Variants in NUBPL observed in about 807,000 individuals in gnomAD.
NUBPL encodes the protein iron-sulfur cluster transfer protein NUBPL.
Under a neutral mutation model 45.7 loss-of-function variants are expected in NUBPL, and 31 were observed. That is an observed-to-expected ratio of 0.68 (90% CI 0.51 to 0.92). The LOEUF is 0.92. Among genes scored for constraint, NUBPL ranks in the 40% least tolerant of loss-of-function variants. The probability of loss-of-function intolerance (pLI) is 0.00; values close to 1 mark genes in which losing one functional copy is unlikely to be tolerated. For synonymous variants in NUBPL, 144 were observed against 140.9 expected (o/e 1.02, Z -0.15); for missense variants, 401 against 398.7 (o/e 1.01, Z -0.05).
chr14:31,859,147 A>C lies in NUBPL; in HGVS notation c.927A>C (p.Glu309Asp). Residue 309 changes from glutamate to aspartate, a missense_variant, in exon 11 of 11, where the codon GAA becomes GAC. Physicochemically the swap from Glu to Asp is conservative, Grantham distance 45. Coordinates refer to ENST00000281081, the MANE Select transcript of NUBPL (RefSeq NM_025152.3). ...EAKAYLRIAV[E>D]VVRRLPSPSE ...AAGCTTACTTGAGGATTGCTGTGGAAGTGGTAAGAAGATTGCCATCACCTT... is the reference window on the plus strand; with the variant it reads ...AAGCTTACTTGAGGATTGCTGTGGACGTGGTAAGAAGATTGCCATCACCTT... 1 of 1,613,968 alleles carries C rather than the reference A, an allele frequency of 6.2e-7. No individual in the cohort carries two copies. The highest frequency in any genetic ancestry group is 8.5e-7 in the Non-Finnish European group (1 of 1,179,906).
chr14:31,637,608 CT>C (rs2035544540), intron 4 of NUBPL, among the ~76,000 whole-genome samples: 1 of 152,152 alleles, frequency 6.6e-6, no homozygotes, highest in Non-Finnish European at 1.5e-5. Context: ...GTTAGGTCCA[CT>C]TGGTGCAGAG....
chr14:31,853,244 TG>T (rs1461225061), intron 10 of NUBPL, among the ~76,000 whole-genome samples: 1 of 152,096 alleles, frequency 6.6e-6, no homozygotes, highest in Admixed American at 6.5e-5. Flanking sequence ...TTGGTAGAGA[TG>T]GGGTTTCACC....
Position 31,655,711 on chromosome 14 carries a change from T to G in NUBPL, c.383-17644T>G, listed in dbSNP as rs577180290. On this transcript the variant is annotated intron_variant, in intron 4 of 10. Transcript: ENST00000281081. Reference sequence around the variant, plus strand: ...CTGGGTGACAAAAAGGTTTCAACAGTGGGCTTAAAATATTAGTAAGCCATG... The same window carrying G: ...CTGGGTGACAAAAAGGTTTCAACAGGGGGCTTAAAATATTAGTAAGCCATG... Among the ~76,000 whole-genome samples the G allele has an allele frequency of 8.2e-4, 125 of 152,302 alleles. 1 individual carries two copies. Among genetic ancestry groups the G allele is most frequent in the Admixed American group, 1.4e-3 (21 of 15,296 alleles).
At chr14:31,804,672 A>G (rs2039651150) in intron 7 of NUBPL, among the ~76,000 whole-genome samples, 1 of 152,210 alleles carries the variant, frequency 6.6e-6, no homozygotes, top group Non-Finnish European at 1.5e-5. Flanking sequence ...CTGACAAAAA[A>G]CAAGCAATGG....
At chr14:31,830,626 C>T (rs1296089402) in intron 8 of NUBPL, among the ~76,000 whole-genome samples, 1 of 152,228 alleles carries the variant, frequency 6.6e-6, no homozygotes, top group Non-Finnish European at 1.5e-5. Context: ...TCTACTTACA[C>T]ATATATTTAG....
chr14:31,607,052 T>C (rs2034619640), intron 4 of NUBPL, among the ~76,000 whole-genome samples: 1 of 152,156 alleles, frequency 6.6e-6, no homozygotes, highest in African/African-American at 2.4e-5. Context: ...ATTGGGAAAC[T>C]TGGCTATTAA....
chr14:31,664,845 G>A (rs191970792), intron 4 of NUBPL, among the ~76,000 whole-genome samples: 307 of 152,222 alleles, frequency 2.0e-3, no homozygotes, highest in Middle Eastern at 0.017. Context: ...GGTAGAGTTC[G>A]TCTGTGAATC....
intron 1 of NUBPL, 129 bp from the exon 2 acceptor site, chr14:31,561,939 T>C (rs2033293771): frequency 1.2e-6 from 1 of 861,206 alleles, no homozygotes; most frequent in Non-Finnish European, 1.8e-6. Context: ...AATGTCTCCA[T>C]AGTGAAGATG....
At chr14:31,660,273 A>G (rs1047872752) in intron 4 of NUBPL, among the ~76,000 whole-genome samples, 4 of 152,190 alleles carry the variant, frequency 2.6e-5, no homozygotes, top group African/African-American at 9.6e-5. Flanking sequence ...GTAAATAGGT[A>G]GAGCATTGTA....
chr14:31,841,918 T>TTTTG lies in NUBPL; in HGVS notation c.694-4550_694-4549insGTTT, dbSNP rs1491549991. Among the ~76,000 whole-genome samples, 477 of 74,634 alleles carry TTTTG rather than the reference T, an allele frequency of 6.4e-3. 51 individuals are homozygous for TTTTG. Among genetic ancestry groups the TTTTG allele is most frequent in the South Asian group, 0.033 (69 of 2,074 alleles). The allele number at this position is 74,634 out of a possible 152,430, so 49.0% of individuals were successfully genotyped here. ...TTTCATGTATGGGTCGATTCTGGGCTTTTTTTTTTTTTTTTTTTTTTTTTT... is the reference window on the plus strand; with the variant it reads ...TTTCATGTATGGGTCGATTCTGGGCTTTTGTTTTTTTTTTTTTTTTTTTTTTTTT... On this transcript the variant is annotated intron_variant, in intron 8 of 10. Coordinates refer to ENST00000281081, the MANE Select transcript of NUBPL (RefSeq NM_025152.3).
chr14:31,629,150 C>A (rs1411118410), intron 4 of NUBPL, among the ~76,000 whole-genome samples: 2 of 152,152 alleles, frequency 1.3e-5, no homozygotes, highest in African/African-American at 4.8e-5. Context: ...GGGCCAATAA[C>A]CAACCATATT....
At chr14:31,596,282 G>C (rs1181750301) in intron 3 of NUBPL, among the ~76,000 whole-genome samples, 1 of 152,138 alleles carries the variant, frequency 6.6e-6, no homozygotes, top group East Asian at 1.9e-4. Context: ...TCTGAAAAGA[G>C]TGCTTTTTAA....
intron 6 of NUBPL, among the ~76,000 whole-genome samples, chr14:31,779,666 A>G (rs778870421): frequency 7.9e-5 from 12 of 152,242 alleles, no homozygotes; most frequent in Non-Finnish European, 1.6e-4. Context: ...GGATTTAGTT[A>G]TAACCAACTA....
intron 4 of NUBPL, among the ~76,000 whole-genome samples, chr14:31,609,789 T>C (rs2034702535): frequency 6.6e-6 from 1 of 152,070 alleles, no homozygotes; most frequent in African/African-American, 2.4e-5. Flanking sequence ...TACAAATACA[T>C]GGAAATTAAA....
intron 7 of NUBPL, among the ~76,000 whole-genome samples, chr14:31,813,575 TG>T (rs1306532560): frequency 6.6e-6 from 1 of 152,044 alleles, no homozygotes. Flanking sequence ...CTGGGATACA[TG>T]TGCAGAACAT....
At chr14:31,570,938 A>C (rs889436636) in intron 3 of NUBPL, among the ~76,000 whole-genome samples, 1 of 152,198 alleles carries the variant, frequency 6.6e-6, no homozygotes, top group African/African-American at 2.4e-5. Context: ...TATTGAAATC[A>C]CATACTCCCT....
intron 7 of NUBPL, among the ~76,000 whole-genome samples, chr14:31,806,906 A>G (rs1294383723): frequency 6.6e-6 from 1 of 152,166 alleles, no homozygotes; most frequent in Non-Finnish European, 1.5e-5. Context: ...TTTGCTCTGA[A>G]TGATGGTTTC....
At chr14:31,754,591 C>CTTTTTTTTTTTT (rs59085679) in intron 6 of NUBPL, among the ~76,000 whole-genome samples, 4 of 103,694 alleles carry the variant, frequency 3.9e-5, no homozygotes, top group African/African-American at 7.5e-5. Context: ...AGAGGGTTTT[C>CTTTTTTTTTTTT]TTTTTTTTTT....
intron 4 of NUBPL, among the ~76,000 whole-genome samples, chr14:31,604,179 G>GAAAA (rs34844125): frequency 1.6e-5 from 2 of 121,966 alleles, no homozygotes; most frequent in Non-Finnish European, 3.4e-5. Flanking sequence ...TGGAAAGGCT[G>GAAAA]AAAAAAAAAA....
Sources: allele counts gnomAD v4.1 joint callset (sites outside exome capture counted in the v4.1 genomes callset), GRCh38; gene constraint gnomAD v4.1.1; transcripts MANE v1.5; gene names NCBI Gene and HGNC (gene_info 2026-07-23, HGNC 2026-07-21).